Variants in THEMIS observed in about 807,000 individuals in gnomAD.
The protein encoded by THEMIS is thymocyte selection associated, also known as protein THEMIS.
Under a neutral mutation model 52.6 loss-of-function variants are expected in THEMIS, and 37 were observed. The observed-to-expected ratio is 0.70, with a 90% CI of 0.54 to 0.93. The LOEUF is 0.93. Ranked by LOEUF, THEMIS falls within the 40% of genes least tolerant of loss-of-function variation. The probability of loss-of-function intolerance (pLI) is 0.00; values close to 1 mark genes in which losing one functional copy is unlikely to be tolerated. For missense variants in THEMIS, 808 were observed against 763.1 expected, an observed-to-expected ratio of 1.06 and a Z score of -0.69; for synonymous variants, 292 against 272.7, an observed-to-expected ratio of 1.07 and a Z score of -0.70.
chr6:127,874,042 A>T (rs1780238046), intron 1 of THEMIS, among the ~76,000 whole-genome samples: 2 of 152,234 alleles, frequency 1.3e-5, no homozygotes, highest in African/African-American at 4.8e-5. Context: ...TAGCATCATT[A>T]GTAGCACTTT....
intron 4 of THEMIS, among the ~76,000 whole-genome samples, chr6:127,784,269 G>C (rs1345497571): frequency 6.6e-6 from 1 of 152,078 alleles, no homozygotes; most frequent in African/African-American, 2.4e-5. Flanking sequence ...ATAGCATTAG[G>C]AGAATACCTA....
At chr6:127,714,116 G>T (rs984007672) in intron 5 of THEMIS, among the ~76,000 whole-genome samples, 10 of 151,940 alleles carry the variant, frequency 6.6e-5, no homozygotes, top group African/African-American at 2.2e-4. Context: ...AGAAATGAAA[G>T]GTTGTTCACA....
chr6:127,854,874 G>A (rs181015897), intron 2 of THEMIS, among the ~76,000 whole-genome samples, 156 bp downstream of exon 2: 29 of 151,794 alleles, frequency 1.9e-4, no homozygotes, highest in African/African-American at 7.0e-4. Context: ...CTTTCCATTC[G>A]TTCTTAAAAT....
In THEMIS at chr6:127,846,176, CTTTACAGA is replaced by C. The variant is rs201810669; in HGVS notation, c.250+8846_250+8853del. Reference sequence around the variant, plus strand: ...GGCCACACATGATGGAGAATGCAGACTTTACAGATTTAGTTCAGAAAATTCACTAAACA... The same window carrying C: ...GGCCACACATGATGGAGAATGCAGACTTTAGTTCAGAAAATTCACTAAACA... On this transcript the variant is annotated intron_variant, in intron 2 of 5. Coordinates refer to ENST00000368248, the MANE Select transcript of THEMIS (RefSeq NM_001010923.3). Among the ~76,000 whole-genome samples, 940 of 152,064 alleles carry C rather than the reference CTTTACAGA, an allele frequency of 6.2e-3. 7 individuals are homozygous for C. The highest frequency in any genetic ancestry group is 0.022 in the African/African-American group (897 of 41,528).
At chr6:127,734,034 T>C (rs970870922) in intron 4 of THEMIS, among the ~76,000 whole-genome samples, 3 of 152,134 alleles carry the variant, frequency 2.0e-5, no homozygotes, top group Admixed American at 6.5e-5. Context: ...CTTGTGTCCG[T>C]AGGAATACAA....
intron 5 of THEMIS, among the ~76,000 whole-genome samples, chr6:127,716,272 G>A (rs1431506204): frequency 6.6e-6 from 1 of 151,812 alleles, no homozygotes; most frequent in Non-Finnish European, 1.5e-5. Flanking sequence ...GAAGAAAAAG[G>A]AAAATGGCCC....
chr6:127,850,386 A>G (rs1021523026), intron 2 of THEMIS, among the ~76,000 whole-genome samples: 1 of 151,848 alleles, frequency 6.6e-6, no homozygotes, highest in African/African-American at 2.4e-5. Context: ...CCATTACTGC[A>G]TATCTACTCA....
chr6:127,768,045 A>G lies in THEMIS; in HGVS notation c.1758+44838T>C, dbSNP rs556639371. On this transcript the variant is annotated intron_variant, in intron 4 of 5. Coordinates refer to ENST00000368248, the MANE Select transcript of THEMIS (RefSeq NM_001010923.3). ...AGTAGTTATTAATGATTTATGATAG[A>G]GGCCCTCCAAAATATTCATTAATAC... Among the ~76,000 whole-genome samples the G allele has an allele frequency of 3.2e-4, 49 of 152,286 alleles. 1 individual carries two copies. In the South Asian group the frequency reaches 9.9e-3, roughly 31 times the overall value.
chr6:127,840,023 C>CA (rs1483372569), intron 2 of THEMIS, among the ~76,000 whole-genome samples: 6 of 151,828 alleles, frequency 4.0e-5, no homozygotes, highest in African/African-American at 1.5e-4. Context: ...GCTATTAACT[C>CA]AAAAAAATGA....
chr6:127,896,313 A>T (rs1378513252), intron 1 of THEMIS, among the ~76,000 whole-genome samples: 2 of 151,494 alleles, frequency 1.3e-5, no homozygotes, highest in Non-Finnish European at 3.0e-5. Flanking sequence ...TACACATAAC[A>T]TATACAAAAT....
intron 4 of THEMIS, among the ~76,000 whole-genome samples, chr6:127,760,144 T>A (rs1474154163): frequency 6.6e-6 from 1 of 151,898 alleles, no homozygotes; most frequent in Non-Finnish European, 1.5e-5. Context: ...AACAGATAAT[T>A]CTTCCTTATT....
intron 4 of THEMIS, among the ~76,000 whole-genome samples, chr6:127,787,911 A>AGATAGATG (rs1411124567): frequency 2.0e-5 from 3 of 151,622 alleles, no homozygotes; most frequent in African/African-American, 7.3e-5. Context: ...ATAGATAGAT[A>AGATAGATG]GATAGATAAA....
chr6:127,801,677 G>A (rs1777540619), intron 4 of THEMIS, among the ~76,000 whole-genome samples: 1 of 152,110 alleles, frequency 6.6e-6, no homozygotes, highest in Admixed American at 6.5e-5. Context: ...TTTGTCTGAG[G>A]AGATAAACCC....
chr6:127,698,387 T>C, the THEMIS span, among the ~76,000 whole-genome samples: 4 of 152,088 alleles, frequency 2.6e-5, no homozygotes, highest in Non-Finnish European at 4.4e-5. Flanking sequence ...TCCATACAGC[T>C]GTGAGGTCAA....
Position 127,829,809 on chromosome 6 carries a change from C to T in THEMIS, c.376G>A (p.Glu126Lys), listed in dbSNP as rs1490452296. 6.2e-7 allele frequency: 1 copy of T among 1,614,130 alleles called. No individual in the cohort carries two copies. The highest frequency in any genetic ancestry group is 1.1e-5 in the South Asian group (1 of 91,078). ...CFYHQKDIKLENLIIKQGEQI... is the reference protein window; with the variant it reads ...CFYHQKDIKLKNLIIKQGEQI... ...TCACCCTGCTTTATGATGAGGTTCTCTAGTTTTATATCCTTCTGATGATAG... is the reference window on the plus strand; with the variant it reads ...TCACCCTGCTTTATGATGAGGTTCTTTAGTTTTATATCCTTCTGATGATAG... Residue 126 changes from glutamate (E) to lysine (K), a missense_variant, in exon 3 of 6, where the codon GAG becomes AAG. Glu to Lys is a moderately conservative substitution (Grantham distance 56). Transcript: ENST00000368248.
chr6:127,775,120 G>T (rs1452680393), intron 4 of THEMIS, among the ~76,000 whole-genome samples: 10 of 152,120 alleles, frequency 6.6e-5, no homozygotes, highest in Non-Finnish European at 1.5e-4. Context: ...ACCCATATAT[G>T]TTCCCTGGGG....
intron 5 of THEMIS, among the ~76,000 whole-genome samples, chr6:127,713,482 G>C (rs552522972): frequency 6.6e-6 from 1 of 151,952 alleles, no homozygotes. Flanking sequence ...AGAGCAAACT[G>C]ATAAAAAATC....
At chr6:127,797,651 A>C (rs1196438886) in intron 4 of THEMIS, among the ~76,000 whole-genome samples, 1 of 152,184 alleles carries the variant, frequency 6.6e-6, no homozygotes, top group East Asian at 1.9e-4. Context: ...ACATAACTTG[A>C]AGTGAGGGAG....
chr6:127,805,706 G>A (rs1224552326), intron 4 of THEMIS, among the ~76,000 whole-genome samples: 1 of 152,076 alleles, frequency 6.6e-6, no homozygotes. Flanking sequence ...ATTTATTGAT[G>A]TAGGTCTGAT....
Sources: allele counts gnomAD v4.1 joint callset (sites outside exome capture counted in the v4.1 genomes callset), GRCh38; gene constraint gnomAD v4.1.1; transcripts MANE v1.5; gene names NCBI Gene and HGNC (gene_info 2026-07-23, HGNC 2026-07-21).